The following BTBD9 variants were observed in gnomAD, a reference collection of about 807,000 sequenced individuals.
BTBD9 encodes the protein BTB/POZ domain-containing protein 9.
BTBD9 carries 49 observed loss-of-function variants against 64.3 expected under a neutral mutation model. The observed-to-expected ratio is 0.76, with a 90% confidence interval of 0.61 to 0.97. The LOEUF (loss-of-function observed/expected upper bound fraction) is 0.97, where lower values mean the gene tolerates loss of function less well. BTBD9 is among the 50% of genes least tolerant of loss of function. The pLI is 0.00. For missense variants in BTBD9, 598 were observed against 762.1 expected, an observed-to-expected ratio of 0.78 and a Z score of 2.53; for synonymous variants, 260 against 274.7, an observed-to-expected ratio of 0.95 and a Z score of 0.53.
chr6:38,351,687 G>C (rs1764521293), intron 6 of BTBD9, among the ~76,000 whole-genome samples: 1 of 151,996 alleles, frequency 6.6e-6, no homozygotes, highest in Admixed American at 6.5e-5. Flanking sequence ...TTTTAGTAGA[G>C]ATGGAGTTTC....
intron 6 of BTBD9, among the ~76,000 whole-genome samples, chr6:38,498,788 C>G (rs1435253258): frequency 6.6e-6 from 1 of 152,156 alleles, no homozygotes; most frequent in Non-Finnish European, 1.5e-5. Flanking sequence ...GGTAACCCCC[C>G]ACGCCCCACC....
chr6:38,457,811 T>C (rs1017579118), intron 6 of BTBD9, among the ~76,000 whole-genome samples: 3 of 152,172 alleles, frequency 2.0e-5, no homozygotes, highest in African/African-American at 7.2e-5. Context: ...ACTGAAATTA[T>C]CAGTTTACAT....
chr6:38,635,199 A>C (rs1211811181), intron 1 of BTBD9, among the ~76,000 whole-genome samples: 1 of 151,790 alleles, frequency 6.6e-6, no homozygotes, highest in Non-Finnish European at 1.5e-5. Context: ...GCAGTGGCCT[A>C]ATCTCGGCTC....
chr6:38,625,907 T>C (rs554572424), intron 1 of BTBD9, among the ~76,000 whole-genome samples: 11 of 152,348 alleles, frequency 7.2e-5, no homozygotes, highest in African/African-American at 2.4e-4. Context: ...TACTATCATT[T>C]TCCTTCTCAC....
chr6:38,362,527 A>C (rs1486689268), intron 6 of BTBD9, among the ~76,000 whole-genome samples: 1 of 152,258 alleles, frequency 6.6e-6, no homozygotes, highest in East Asian at 1.9e-4. Context: ...TATTTATGTG[A>C]AATTATTTCT....
intron 6 of BTBD9, among the ~76,000 whole-genome samples, chr6:38,374,805 T>C (rs1327599285): frequency 1.3e-5 from 2 of 152,100 alleles, no homozygotes; most frequent in Non-Finnish European, 2.9e-5. Context: ...CACTGCATCT[T>C]AGAGAAGTAT....
intron 9 of BTBD9, among the ~76,000 whole-genome samples, chr6:38,240,147 C>A (rs914804955): frequency 6.6e-6 from 1 of 152,196 alleles, no homozygotes; most frequent in African/African-American, 2.4e-5. Flanking sequence ...TTTCTTGTAT[C>A]CACCAAGGCC....
At chr6:38,362,968 C>T (rs573425410) in intron 6 of BTBD9, among the ~76,000 whole-genome samples, 1 of 152,074 alleles carries the variant, frequency 6.6e-6, no homozygotes, top group South Asian at 2.1e-4. Flanking sequence ...GACAGAACCA[C>T]ATGACAGGAG....
chr6:38,453,956 G>A (rs769330094), intron 6 of BTBD9, among the ~76,000 whole-genome samples: 7 of 152,150 alleles, frequency 4.6e-5, no homozygotes, highest in Non-Finnish European at 1.0e-4. Context: ...ACCACACCAG[G>A]TCGTGCATCA....
intron 6 of BTBD9, among the ~76,000 whole-genome samples, chr6:38,353,089 T>C (rs558006419): frequency 2.5e-4 from 38 of 152,190 alleles, no homozygotes; most frequent in Non-Finnish European, 5.0e-4. Context: ...CCTTCTGGAA[T>C]AAAAGAAGAG....
At chr6:38,270,223 C>T (rs1765153382) in intron 8 of BTBD9, among the ~76,000 whole-genome samples, 1 of 152,138 alleles carries the variant, frequency 6.6e-6, no homozygotes, top group Non-Finnish European at 1.5e-5. Context: ...ATCCTTTTTG[C>T]TGGACCCCTT....
chr6:38,289,547 G>A (rs1322331043), intron 7 of BTBD9, among the ~76,000 whole-genome samples: 2 of 152,156 alleles, frequency 1.3e-5, no homozygotes, highest in East Asian at 1.9e-4. Context: ...AAAGAAACAT[G>A]TTAAATTCAG....
At chr6:38,552,635 C>T (rs1051112172) in intron 6 of BTBD9, among the ~76,000 whole-genome samples, 1 of 151,700 alleles carries the variant, frequency 6.6e-6, no homozygotes, top group Non-Finnish European at 1.5e-5. Flanking sequence ...GGTGTGGTGG[C>T]TGGAGCCTGT....
At chr6:38,312,622 A>G (rs929340979) in intron 7 of BTBD9, among the ~76,000 whole-genome samples, 1 of 152,338 alleles carries the variant, frequency 6.6e-6, no homozygotes, top group Admixed American at 6.5e-5. Flanking sequence ...ATTCTTCCAC[A>G]TATGGATATC....
intron 6 of BTBD9, among the ~76,000 whole-genome samples, chr6:38,468,706 C>A (rs1416802634): frequency 6.6e-6 from 1 of 152,134 alleles, no homozygotes; most frequent in Non-Finnish European, 1.5e-5. Context: ...CAAAAGAGAT[C>A]AAATCATCTA....
intron 6 of BTBD9, chr6:38,504,552 T>TC: frequency 2.2e-6 from 1 of 456,858 alleles, no homozygotes; most frequent in Non-Finnish European, 4.4e-6. Flanking sequence ...GTATCATAGA[T>TC]CTCTCATAAA....
chr6:38,316,202 T>C (rs1763023384), intron 7 of BTBD9, among the ~76,000 whole-genome samples: 1 of 152,222 alleles, frequency 6.6e-6, no homozygotes, highest in African/African-American at 2.4e-5. Flanking sequence ...TGTTTCTTTA[T>C]ATGTGAAGTG....
At chr6:38,260,535 G>C (rs150390399) in intron 8 of BTBD9, among the ~76,000 whole-genome samples, 71 of 152,140 alleles carry the variant, frequency 4.7e-4, no homozygotes, top group African/African-American at 1.6e-3. Flanking sequence ...ATATGGAGAA[G>C]ATAAAAAAAA....
At chr6:38,356,041 T>C (rs1764715376) in intron 6 of BTBD9, among the ~76,000 whole-genome samples, 1 of 152,202 alleles carries the variant, frequency 6.6e-6, no homozygotes, top group Admixed American at 6.5e-5. Context: ...CTTCTAGTTT[T>C]GCTTTTGAGA....
Sources: allele counts gnomAD v4.1 joint callset (sites outside exome capture counted in the v4.1 genomes callset), GRCh38; gene constraint gnomAD v4.1.1; transcripts MANE v1.5; gene names NCBI Gene and HGNC (gene_info 2026-07-23, HGNC 2026-07-21).